The following CYP3A4 variants were observed in gnomAD, a reference collection of about 807,000 sequenced individuals.
CYP3A4 encodes cytochrome P450 3A4.
A neutral mutation model predicts 54.9 loss-of-function variants in CYP3A4; 41 were observed. The ratio of observed to expected loss-of-function variants is 0.75; its 90% CI spans 0.58 to 0.97. CYP3A4 has a LOEUF of 0.97. CYP3A4 is among the 50% of genes least tolerant of loss of function. The pLI is 0.00. For missense variants in CYP3A4, 510 were observed against 597.3 expected, an observed-to-expected ratio of 0.85 and a Z score of 1.52; for synonymous variants, 179 against 205.2, an observed-to-expected ratio of 0.87 and a Z score of 1.09.
In CYP3A4 at chr7:99,758,229, CT is replaced by C; in HGVS notation, c.1417-2del. The stretch of plus-strand genomic sequence containing the variant: ...CTCCTAAGCTTAATTTCAGGGGGAT[CT>C]GCAACAGTTAAACAAGCATATTGAG... On this transcript the variant is annotated splice_acceptor_variant, in intron 12 of 12. Coordinates refer to ENST00000651514, the MANE Select transcript of CYP3A4 (RefSeq NM_017460.6). LOFTEE classifies it high-confidence loss of function. The C allele has an allele frequency of 6.2e-7, 1 of 1,613,424 alleles. No homozygotes were observed. The highest frequency in any genetic ancestry group is 8.5e-7 in the Non-Finnish European group (1 of 1,179,506).
At chr7:99,759,985 G>A (rs1815276259) in intron 12 of CYP3A4, among the ~76,000 whole-genome samples, 1 of 152,060 alleles carries the variant, frequency 6.6e-6, no homozygotes, top group South Asian at 2.1e-4. Context: ...ACAGGTGCCT[G>A]CCACCTCTCC....
At chr7:99,763,777 T>A (rs1450635239) in intron 10 of CYP3A4, 78 bp downstream of exon 10, 3 of 1,533,628 alleles carry the variant, frequency 2.0e-6, no homozygotes, top group Non-Finnish European at 2.7e-6. Context: ...TTTATAAAAA[T>A]TCTCCTGGGA....
chr7:99,770,618 G>T (rs1404198177), intron 4 of CYP3A4, among the ~76,000 whole-genome samples: 1 of 152,166 alleles, frequency 6.6e-6, no homozygotes, highest in Non-Finnish European at 1.5e-5. Context: ...GGTGACTTTG[G>T]TGGATTGTAT....
intron 10 of CYP3A4, among the ~76,000 whole-genome samples, chr7:99,763,193 C>A (rs1815383939): frequency 6.6e-6 from 1 of 152,042 alleles, no homozygotes; most frequent in African/African-American, 2.4e-5. Context: ...GCAAGTCCTG[C>A]CAATATCAGC....
At chr7:99,758,682 G>A (rs1815244026) in intron 12 of CYP3A4, among the ~76,000 whole-genome samples, 1 of 152,164 alleles carries the variant, frequency 6.6e-6, no homozygotes, top group African/African-American at 2.4e-5. Context: ...TTTTGTGTAT[G>A]TTGAAACTTG....
intron 1 of CYP3A4, among the ~76,000 whole-genome samples, chr7:99,780,459 C>G (rs551519444): frequency 3.9e-5 from 6 of 152,276 alleles, no homozygotes; most frequent in African/African-American, 1.2e-4. Flanking sequence ...TTTGGGGATT[C>G]TCATCCTAGG....
intron 4 of CYP3A4, among the ~76,000 whole-genome samples, chr7:99,772,106 GT>G (rs1213898968): frequency 6.6e-6 from 1 of 152,158 alleles, no homozygotes; most frequent in Non-Finnish European, 1.5e-5. Context: ...ATAAAAAATA[GT>G]TTGCTCTGAT....
At chr7:99,769,997 A>T in intron 5 of CYP3A4, 125 bp downstream of exon 5, 5 of 1,545,578 alleles carry the variant, frequency 3.2e-6, no homozygotes, top group Non-Finnish European at 4.5e-6. Context: ...AAGATAAAAG[A>T]CCATTTTTAG....
In CYP3A4 at chr7:99,763,929, T is replaced by C; in HGVS notation, c.952A>G (p.Met318Val). The part of the protein sequence containing the change: ...ETTSSVLSFI[M>V]YELATHPDVQ... ...TCAGGGTGAGTGGCCAGTTCATACATAATGAAGGAGAGAACACTGCTCGTG... is the reference window on the plus strand; with the variant it reads ...TCAGGGTGAGTGGCCAGTTCATACACAATGAAGGAGAGAACACTGCTCGTG... The change falls in exon 10 of 13, where the codon ATG (methionine) becomes GTG (valine). Residue 318 changes from methionine (M) to valine (V), a missense_variant. Met to Val is a conservative substitution (Grantham distance 21). This residue lies in a region of CYP3A4 where 238 missense variants were observed against 322.5 expected (regional missense o/e 0.74). Coordinates refer to ENST00000651514, the MANE Select transcript of CYP3A4 (RefSeq NM_017460.6). 6.2e-7 allele frequency: 1 copy of C among 1,613,972 alleles called. No homozygotes were observed. The highest frequency in any genetic ancestry group is 1.7e-5 in the Admixed American group (1 of 59,998).
intron 1 of CYP3A4, among the ~76,000 whole-genome samples, chr7:99,781,072 C>A (rs1165789113): frequency 1.3e-5 from 2 of 152,116 alleles, no homozygotes; most frequent in East Asian, 1.9e-4. Context: ...TCGTTTCACA[C>A]CATCCCGCCT....
chr7:99,783,417 C>T (rs188591675), intron 1 of CYP3A4, among the ~76,000 whole-genome samples: 1 of 152,140 alleles, frequency 6.6e-6, no homozygotes, highest in Non-Finnish European at 1.5e-5. Context: ...TACTTTCCTT[C>T]CTTATCCTCC....
In CYP3A4 at chr7:99,758,087, C is replaced by T. The variant is rs370438919; in HGVS notation, c.*46G>A. ...AGTAATTTGAGGTCTCTGGTGTTCT[C>T]AGGCACAGATTTCTTGAAGAGCAAA... is the stretch of plus-strand genomic sequence containing the variant. On this transcript the variant is annotated 3_prime_UTR_variant, in exon 13 of 13. Coordinates refer to ENST00000651514, the MANE Select transcript of CYP3A4 (RefSeq NM_017460.6). 2.1e-4 allele frequency: 321 copies of T among 1,500,254 alleles called. No homozygotes were observed. The highest frequency in any genetic ancestry group is 2.8e-4 in the Non-Finnish European group (302 of 1,076,772). 92.9% of individuals were successfully genotyped at this position (1,500,254 alleles called of 1,614,324 possible).
In CYP3A4 at chr7:99,762,081, G is replaced by T. The variant is rs1235985595; in HGVS notation, c.1213C>A (p.Pro405Thr). Reference sequence around the variant, plus strand: ...TTCTCAGGCTCTGTCCAGTACTTTGGGTCACGGTGAAGAGCATAGCTTGGA... The same window carrying T: ...TTCTCAGGCTCTGTCCAGTACTTTGTGTCACGGTGAAGAGCATAGCTTGGA... ...MIPSYALHRD[P>T]KYWTEPEKFL... The change falls in exon 11 of 13, where the codon CCA becomes ACA. Residue 405 changes from proline to threonine, a missense_variant. Transcript: ENST00000651514. 6.2e-7 allele frequency: 1 copy of T among 1,613,986 alleles called. No homozygotes were observed. Among genetic ancestry groups the T allele is most frequent in the Non-Finnish European group, 8.5e-7 (1 of 1,179,968 alleles).
intron 3 of CYP3A4, among the ~76,000 whole-genome samples, chr7:99,775,038 A>G (rs1168315583): frequency 1.3e-5 from 2 of 152,146 alleles, no homozygotes; most frequent in Non-Finnish European, 2.9e-5. Flanking sequence ...ATTCCTACAC[A>G]CCAATAATAG....
At chr7:99,774,055 C>CT (rs1212434006) in intron 3 of CYP3A4, among the ~76,000 whole-genome samples, 2 of 152,144 alleles carry the variant, frequency 1.3e-5, no homozygotes, top group African/African-American at 2.4e-5. Flanking sequence ...TCAGAGAATA[C>CT]TATAAACACC....
At chr7:99,767,474 A>T (rs964814073) in intron 7 of CYP3A4, among the ~76,000 whole-genome samples, 1 of 152,210 alleles carries the variant, frequency 6.6e-6, no homozygotes, top group Non-Finnish European at 1.5e-5. Flanking sequence ...CAGCAGTGAG[A>T]TCAGCAGCCC....
chr7:99,776,782 G>A (rs1397602563), intron 3 of CYP3A4, among the ~76,000 whole-genome samples: 5 of 152,090 alleles, frequency 3.3e-5, no homozygotes, highest in African/African-American at 7.2e-5. Flanking sequence ...CATGGCACGT[G>A]TATACCTATG....
chr7:99,766,351 G>A, intron 9 of CYP3A4, 26 bp downstream of exon 9: 1 of 1,612,578 alleles, frequency 6.2e-7, no homozygotes, highest in Non-Finnish European at 8.5e-7. Flanking sequence ...TGCCCCACAA[G>A]TAGCCCTCAG....
Position 99,763,951 on chromosome 7 carries a change from C to T in CYP3A4, c.930G>A (p.Thr310=), listed in dbSNP as rs145779318. 6 of 1,613,872 alleles carry T rather than the reference C, an allele frequency of 3.7e-6. No homozygotes were observed. The highest frequency in any genetic ancestry group is 3.3e-5 in the South Asian group (3 of 91,064). ...ACATAATGAAGGAGAGAACACTGCTCGTGGTTTCATAGCCAGCAAAAATAA... is the reference window on the plus strand; with the variant it reads ...ACATAATGAAGGAGAGAACACTGCTTGTGGTTTCATAGCCAGCAAAAATAA... The part of the protein sequence containing the change: ...IIFIFAGYET[T]SSVLSFIMYE... The change falls in exon 10 of 13, where the codon ACG becomes ACA. Residue 310 remains threonine (T), a synonymous_variant. Transcript: ENST00000651514.
Sources: allele counts gnomAD v4.1 joint callset (sites outside exome capture counted in the v4.1 genomes callset), GRCh38; gene constraint gnomAD v4.1.1; regional missense constraint gnomAD v4.1.1; transcripts MANE v1.5; gene names NCBI Gene and HGNC (gene_info 2026-07-23, HGNC 2026-07-21).